The following ITSN2 variants were observed in gnomAD, a reference collection of about 807,000 sequenced individuals.
ITSN2 encodes intersectin 2, also known as intersectin-2.
Under a neutral mutation model 243.7 loss-of-function variants are expected in ITSN2, and 156 were observed. The ratio of observed to expected loss-of-function variants is 0.64; its 90% CI spans 0.56 to 0.73. The LOEUF (loss-of-function observed/expected upper bound fraction) is 0.73. Among genes scored for constraint, ITSN2 ranks in the 30% least tolerant of loss-of-function variants. ITSN2 has a pLI of 0.00. For missense variants in ITSN2, 1,801 were observed against 1,996.1 expected (o/e 0.90, Z 1.86); for synonymous variants, 703 against 699.9 (o/e 1.00, Z -0.07).
chr2:24,308,534 A>C, intron 8 of ITSN2, 83 bp downstream of exon 8: 1 of 880,188 alleles, frequency 1.1e-6, no homozygotes, highest in Non-Finnish European at 1.6e-6. Context: ...GAGCTACACA[A>C]TACAAATTCA....
rs372764786 is a variant in ITSN2 at position 24,204,418 on chromosome 2, C to G, written c.4763G>C (p.Gly1588Ala). The change falls in exon 39 of 40, where the codon GGA (glycine) becomes GCA (alanine). Residue 1588 changes from glycine to alanine, a missense_variant and splice_region_variant. Around this residue, in one of 5 missense-constraint regions of ITSN2, gnomAD observed 928 missense variants for 1,065.4 expected, o/e 0.87. Coordinates refer to ENST00000355123, the MANE Select transcript of ITSN2 (RefSeq NM_006277.3). This position sits in a 1 kb window ranked among gnomAD's most constrained non-coding sequence, Gnocchi z 5.1. ...ATELKACKPNGKSNPYCEISM... is the reference protein window; with the variant it reads ...ATELKACKPNAKSNPYCEISM... ...GATTTCACAGTATGGGTTGCTCTTTCCTGAACAAAAACAAACCACAGACAC... is the reference window on the plus strand; with the variant it reads ...GATTTCACAGTATGGGTTGCTCTTTGCTGAACAAAAACAAACCACAGACAC... 3.7e-6 allele frequency: 6 copies of G among 1,614,112 alleles called. No individual in the cohort carries two copies. The highest frequency in any genetic ancestry group is 4.2e-6 in the Non-Finnish European group (5 of 1,179,980).
intron 30 of ITSN2, among the ~76,000 whole-genome samples, chr2:24,218,270 C>A (rs1343976250): frequency 6.6e-6 from 1 of 152,152 alleles, no homozygotes; most frequent in East Asian, 1.9e-4. Context: ...AGGAGATTTT[C>A]AGATTTCTCT....
intron 3 of ITSN2, 140 bp downstream of exon 3, chr2:24,314,992 T>A: frequency 4.5e-6 from 2 of 443,346 alleles, no homozygotes; most frequent in East Asian, 6.7e-5. Flanking sequence ...AAAGTTAGCA[T>A]TTCTTTAATT....
At position 24,261,715 on chromosome 2, in the gene ITSN2, C is replaced by A. The variant is rs772257015; in HGVS notation, c.2383G>T (p.Gly795Cys). The change falls in exon 21 of 40, where the codon GGT (glycine) becomes TGT (cysteine). Residue 795 changes from glycine (G) to cysteine (C), a missense_variant. By Grantham distance (159) the Gly-to-Cys change is radical (BLOSUM62 -3). Around this residue, in one of 5 missense-constraint regions of ITSN2, gnomAD observed 787 missense variants for 803.9 expected, o/e 0.98. Coordinates refer to ENST00000355123, the MANE Select transcript of ITSN2 (RefSeq NM_006277.3). ...QVDEKTVGEP[G>C]WLYGSFQGNF... ...CCTTGAAAACTACCATAAAGCCAAC[C>A]AGGTTCTCCTACGGTTTTTTCATCA... The A allele has an allele frequency of 6.2e-7, 1 of 1,613,026 alleles. No homozygotes were observed. Among genetic ancestry groups the A allele is most frequent in the South Asian group, 1.1e-5 (1 of 90,944 alleles).
At chr2:24,278,869 C>T (rs191756418) in intron 17 of ITSN2, among the ~76,000 whole-genome samples, 2 of 151,896 alleles carry the variant, frequency 1.3e-5, no homozygotes, top group Non-Finnish European at 1.5e-5. Context: ...CCAGGCTGGT[C>T]GTGAATTGTT....
At chr2:24,223,554 A>G (rs938332196) in intron 29 of ITSN2, among the ~76,000 whole-genome samples, 10 of 151,602 alleles carry the variant, frequency 6.6e-5, no homozygotes, top group African/African-American at 2.4e-4. Context: ...GCGTGGTGGC[A>G]TGTGCCTGTA....
intron 37 of ITSN2, among the ~76,000 whole-genome samples, chr2:24,206,803 C>T (rs1438414386): frequency 3.3e-5 from 5 of 152,048 alleles, no homozygotes; most frequent in East Asian, 3.9e-4. Flanking sequence ...GATGAGCGCC[C>T]GGAGGATGAT....
At chr2:24,332,628 T>G (rs1685917070) in intron 1 of ITSN2, among the ~76,000 whole-genome samples, 1 of 152,226 alleles carries the variant, frequency 6.6e-6, no homozygotes, top group African/African-American at 2.4e-5. Context: ...GGAGTATATT[T>G]TGTTGGAACC....
intron 29 of ITSN2, among the ~76,000 whole-genome samples, chr2:24,233,761 T>C (rs1265090181): frequency 6.6e-6 from 1 of 152,182 alleles, no homozygotes; most frequent in Admixed American, 6.5e-5. Flanking sequence ...TTATTCTCAC[T>C]TATACAGACC....
At chr2:24,242,770 AG>A (rs1672880597) in intron 29 of ITSN2, among the ~76,000 whole-genome samples, 1 of 152,188 alleles carries the variant, frequency 6.6e-6, no homozygotes, top group South Asian at 2.1e-4. Context: ...TTAGAATTAC[AG>A]AATTGAGAGC....
intron 22 of ITSN2, among the ~76,000 whole-genome samples, chr2:24,260,725 T>A (rs770317388): frequency 1.3e-5 from 2 of 151,874 alleles, no homozygotes; most frequent in Admixed American, 1.3e-4. Flanking sequence ...CTGGCTAACA[T>A]GGTGAAACCC....
intron 17 of ITSN2, among the ~76,000 whole-genome samples, chr2:24,276,590 CCT>C (rs1245048750): frequency 6.6e-6 from 1 of 152,182 alleles, no homozygotes; most frequent in Non-Finnish European, 1.5e-5. Context: ...ATTTTCTCTT[CCT>C]CTTCTTCAAC....
At chr2:24,237,107 A>G (rs1422976781) in intron 29 of ITSN2, among the ~76,000 whole-genome samples, 1 of 152,136 alleles carries the variant, frequency 6.6e-6, no homozygotes, top group East Asian at 1.9e-4. Flanking sequence ...GAGCCAGACC[A>G]TGGACCACCT....
At chr2:24,215,561 G>A (rs1217799775) in intron 32 of ITSN2, among the ~76,000 whole-genome samples, 1 of 151,690 alleles carries the variant, frequency 6.6e-6, no homozygotes. Context: ...CAGCTACTTT[G>A]GAGGCTGAGG....
At chr2:24,337,496 G>A (rs1365893633) in intron 1 of ITSN2, among the ~76,000 whole-genome samples, 21 of 148,844 alleles carry the variant, frequency 1.4e-4, no homozygotes, top group East Asian at 1.2e-3. Context: ...GATTACAGGC[G>A]CGCACCACCA....
chr2:24,208,978 A>G, intron 36 of ITSN2, 122 bp downstream of exon 36: 3 of 1,089,626 alleles, frequency 2.8e-6, no homozygotes, highest in South Asian at 2.9e-5. Flanking sequence ...GGATGTGTTA[A>G]GAGAGGTTCA....
chr2:24,351,424 C>T (rs1260770945), intron 1 of ITSN2, among the ~76,000 whole-genome samples: 1 of 152,144 alleles, frequency 6.6e-6, no homozygotes, highest in African/African-American at 2.4e-5. Flanking sequence ...GAAGACAAAC[C>T]CAGCAACTTG....
chr2:24,238,164 T>G (rs982982519), intron 29 of ITSN2, among the ~76,000 whole-genome samples: 1 of 152,196 alleles, frequency 6.6e-6, no homozygotes, highest in African/African-American at 2.4e-5. Context: ...TTCTCTGTAG[T>G]CCTTAAGTGC....
intron 15 of ITSN2, among the ~76,000 whole-genome samples, chr2:24,292,566 C>T (rs552947122): frequency 5.9e-5 from 9 of 152,318 alleles, no homozygotes; most frequent in East Asian, 1.9e-4. Flanking sequence ...ATTTCTTCCA[C>T]GTGAAGGGCC....
Sources: gnomAD v4.1 joint callset for allele counts (sites outside exome capture counted in the v4.1 genomes callset) on GRCh38, gnomAD v4.1.1 for gene constraint, gnomAD v4.1.1 regional missense constraint, Gnocchi (gnomAD v3.1) non-coding constraint, MANE v1.5 for transcripts, NCBI Gene and HGNC (gene_info 2026-07-23, HGNC 2026-07-21) for gene names.